The following POFUT3 variants were observed in gnomAD, a reference collection of about 807,000 sequenced individuals.
The protein encoded by POFUT3 is GDP-fucose protein O-fucosyltransferase 3.
At chr8:33,453,546 G>A in the POFUT3 span, 19 of 1,513,990 alleles carry the variant, frequency 1.3e-5, no homozygotes, top group Admixed American at 2.0e-5. Context: ...GTGTCAAACT[G>A]TTTGATTTCC....
the POFUT3 span, among the ~76,000 whole-genome samples, chr8:33,386,051 T>C: frequency 2.0e-5 from 3 of 151,628 alleles, no homozygotes; most frequent in Non-Finnish European, 2.9e-5. Context: ...TAGCCGGGTG[T>C]GGTGGCATGC....
the POFUT3 span, chr8:33,455,991 C>A: frequency 4.2e-5 from 15 of 359,850 alleles, no homozygotes; most frequent in Admixed American, 1.1e-4. Flanking sequence ...CATGGATCAC[C>A]TGAGACGCCA....
chr8:33,334,931 T>G, the POFUT3 span, among the ~76,000 whole-genome samples: 2 of 152,198 alleles, frequency 1.3e-5, no homozygotes, highest in African/African-American at 2.4e-5. Flanking sequence ...TGCTGGTGAA[T>G]TGATGGATTA....
the POFUT3 span, among the ~76,000 whole-genome samples, chr8:33,378,665 T>C: frequency 5.9e-5 from 9 of 152,190 alleles, no homozygotes; most frequent in African/African-American, 2.2e-4. Context: ...AAAATAGACC[T>C]CATCTGTGGC....
the POFUT3 span, among the ~76,000 whole-genome samples, chr8:33,345,302 G>C: frequency 1.3e-5 from 2 of 151,880 alleles, no homozygotes; most frequent in Non-Finnish European, 2.9e-5. Flanking sequence ...TCGAGAGTGA[G>C]AGACATTGAA....
At chr8:33,464,392 C>T in the POFUT3 span, among the ~76,000 whole-genome samples, 1 of 152,212 alleles carries the variant, frequency 6.6e-6, no homozygotes, top group Non-Finnish European at 1.5e-5. Context: ...CAACTCCACT[C>T]TCATTTTCAA....
chr8:33,415,964 C>G, the POFUT3 span, among the ~76,000 whole-genome samples: 1 of 152,134 alleles, frequency 6.6e-6, no homozygotes, highest in Non-Finnish European at 1.5e-5. Flanking sequence ...AATCAAAAAT[C>G]ATTAGTCAAT....
the POFUT3 span, chr8:33,338,796 C>T: frequency 6.6e-6 from 1 of 152,146 alleles, no homozygotes; most frequent in Non-Finnish European, 1.5e-5. Context: ...GTACACACTT[C>T]CCCTTCTCCT....
At chr8:33,383,903 C>G in the POFUT3 span, among the ~76,000 whole-genome samples, 1 of 151,446 alleles carries the variant, frequency 6.6e-6, no homozygotes, top group Non-Finnish European at 1.5e-5. Flanking sequence ...TTTTCCCCAT[C>G]ATAATCCCCA....
At chr8:33,372,188 C>T in the POFUT3 span, 1 of 996,436 alleles carries the variant, frequency 1.0e-6, no homozygotes, top group Non-Finnish European at 1.2e-6. Flanking sequence ...CTGCAGGATA[C>T]CAGGTTTGCC....
chr8:33,466,558 G>A, the POFUT3 span, among the ~76,000 whole-genome samples: 1 of 152,152 alleles, frequency 6.6e-6, no homozygotes, highest in African/African-American at 2.4e-5. Context: ...AGCCAGGGTA[G>A]ATAGTAGTAT....
At chr8:33,385,650 G>GC in the POFUT3 span, among the ~76,000 whole-genome samples, 1 of 152,170 alleles carries the variant, frequency 6.6e-6, no homozygotes, top group African/African-American at 2.4e-5. Context: ...GGGAGGCCAA[G>GC]GCAGGTGGAT....
At chr8:33,315,541 C>A in the POFUT3 span, among the ~76,000 whole-genome samples, 6 of 151,930 alleles carry the variant, frequency 3.9e-5, no homozygotes, top group Non-Finnish European at 5.9e-5. Flanking sequence ...AAGAGGGGGT[C>A]AGAAAGTGGG....
chr8:33,360,460 A>T, the POFUT3 span, among the ~76,000 whole-genome samples: 5 of 132,268 alleles, frequency 3.8e-5, no homozygotes, highest in South Asian at 6.1e-4. Context: ...AATATAAATA[A>T]AAATAAAAAT....
At chr8:33,315,363 C>G in the POFUT3 span, among the ~76,000 whole-genome samples, 3 of 152,080 alleles carry the variant, frequency 2.0e-5, no homozygotes, top group African/African-American at 7.2e-5. Flanking sequence ...TGCCCTATAC[C>G]CAAATTCTTA....
the POFUT3 span, among the ~76,000 whole-genome samples, chr8:33,407,113 A>C: frequency 2.0e-5 from 3 of 152,208 alleles, no homozygotes; most frequent in African/African-American, 7.2e-5. Context: ...ATGATATTTC[A>C]AAATTTATAT....
chr8:33,342,057 G>A, the POFUT3 span, among the ~76,000 whole-genome samples: 1 of 152,166 alleles, frequency 6.6e-6, no homozygotes, highest in East Asian at 1.9e-4. Flanking sequence ...GCATGTCCCT[G>A]TAGTCCCAGC....
chr8:33,337,300 C>T, the POFUT3 span, among the ~76,000 whole-genome samples: 1 of 152,164 alleles, frequency 6.6e-6, no homozygotes, highest in African/African-American at 2.4e-5. Flanking sequence ...TAATTATAAA[C>T]ATTGACATTT....
the POFUT3 span, among the ~76,000 whole-genome samples, chr8:33,422,251 T>G: frequency 6.6e-6 from 1 of 151,350 alleles, no homozygotes; most frequent in African/African-American, 2.4e-5. Context: ...TCAACAGTTT[T>G]CGGTTTCCAG....
Sources: gnomAD v4.1 joint callset for allele counts (sites outside exome capture counted in the v4.1 genomes callset) on GRCh38, gnomAD v4.1.1 for gene constraint, MANE v1.5 for transcripts, NCBI Gene and HGNC (gene_info 2026-07-23, HGNC 2026-07-21) for gene names.